Variants in ADCY4 observed in about 807,000 individuals in gnomAD.
The protein encoded by ADCY4 is adenylate cyclase 4.
A neutral mutation model predicts 125.5 loss-of-function variants in ADCY4; 111 were observed. That is an observed-to-expected ratio of 0.88 (90% CI 0.76 to 1.04). ADCY4 has a LOEUF of 1.04. ADCY4 is among the 50% of genes least tolerant of loss of function. The probability of loss-of-function intolerance (pLI) is 0.00; values close to 1 mark genes in which losing one functional copy is unlikely to be tolerated. For missense variants in ADCY4, 1,256 were observed against 1,382.9 expected (o/e 0.91, Z 1.46); for synonymous variants, 576 against 586.9 (o/e 0.98, Z 0.27).
Position 24,324,112 on chromosome 14 carries a change from A to G in ADCY4, c.1996T>C (p.Leu666=), listed in dbSNP as rs767904360. 1.7e-5 allele frequency: 27 copies of G among 1,614,092 alleles called. No individual in the cohort carries two copies. The Admixed American group carries it at 4.5e-4, about 27-fold the overall frequency. ...ACAAGGAGGATGGTGGCGGTGCCCA[A>G]GGCTATTCTCAGTCCTGGTCGTGTG... The part of the protein sequence containing the change: ...VATRPGLRIA[L]GTATILLVFA... The change falls in exon 16 of 25, where the codon TTG becomes CTG. Residue 666 remains leucine, a synonymous_variant. Transcript: ENST00000418030.
intron 3 of ADCY4, 30 bp from the exon 4 acceptor site, chr14:24,331,967 C>A (rs201998598): frequency 2.0e-6 from 3 of 1,514,826 alleles, no homozygotes; most frequent in African/African-American, 1.4e-5. Context: ...TCAGAGGGCG[C>A]GGGACCCGGG....
chr14:24,319,715 G>C lies in ADCY4; in HGVS notation c.2733+27C>G. The C allele has an allele frequency of 6.2e-7, 1 of 1,613,742 alleles. No individual in the cohort carries two copies. The highest frequency in any genetic ancestry group is 1.1e-5 in the South Asian group (1 of 91,054). On this transcript the variant is annotated intron_variant, in intron 21 of 24. Coordinates refer to ENST00000418030, the MANE Select transcript of ADCY4 (RefSeq NM_001198568.2). This position sits in a 1 kb window ranked among gnomAD's most constrained non-coding sequence, Gnocchi z 4.5. ...GAAAATTCTAGAATCTAGGACATAG[G>C]GTCTGGGAGACTCTTGGAATTTTCA...
At position 24,323,415 on chromosome 14, in the gene ADCY4, G is replaced by A; in HGVS notation, c.2086C>T (p.Pro696Ser). ...PTSSDCPFQA[P>S]NVSSMISNLS... ...TTGGAAATCATGGAGGACACATTGGGAGCTTGGAAAGGGCAGTCTGATGAT... is the reference window on the plus strand; with the variant it reads ...TTGGAAATCATGGAGGACACATTGGAAGCTTGGAAAGGGCAGTCTGATGAT... The change falls in exon 17 of 25, where the codon CCC (proline) becomes TCC (serine). Residue 696 changes from proline (P) to serine (S), a missense_variant. Coordinates refer to ENST00000418030, the MANE Select transcript of ADCY4 (RefSeq NM_001198568.2). 1.3e-6 allele frequency: 2 copies of A among 1,556,658 alleles called. No individual in the cohort carries two copies. Among genetic ancestry groups the A allele is most frequent in the Non-Finnish European group, 1.7e-6 (2 of 1,149,168 alleles).
chr14:24,332,615 G>C lies in ADCY4; in HGVS notation c.426C>G (p.Ala142=). 1 of 1,581,312 alleles carries C rather than the reference G, an allele frequency of 6.3e-7. No individual in the cohort carries two copies. The change falls in exon 3 of 25, where the codon GCC becomes GCG. Residue 142 remains alanine, a synonymous_variant. Coordinates refer to ENST00000418030, the MANE Select transcript of ADCY4 (RefSeq NM_001198568.2). ...AMLPLGMRDA[A]VAGLASSLSH... ...AGAGTGAGGAGGCGAGGCCCGCGAC[G>C]GCGGCGTCCCGCATGCCCAAGGGCA...
intron 14 of ADCY4, 47 bp downstream of exon 14, chr14:24,325,330 G>A: frequency 6.5e-7 from 1 of 1,536,564 alleles, no homozygotes; most frequent in Non-Finnish European, 9.0e-7. Context: ...AGGGCAAGGT[G>A]ATCCGCTTAT....
At chr14:24,326,405 A>G (rs1008941786) in intron 10 of ADCY4, 63 bp from the exon 11 acceptor site, 4 of 1,581,724 alleles carry the variant, frequency 2.5e-6, no homozygotes, top group Non-Finnish European at 3.5e-6. Context: ...GAGGTAGACC[A>G]TGAGCCACAC....
chr14:24,322,646 GTGAAGAAGAAGA>G lies in ADCY4; in HGVS notation c.2393_2404del (p.Ile798_Phe801del), dbSNP rs1404992415. 1.2e-6 allele frequency: 2 copies of G among 1,614,058 alleles called. No homozygotes were observed. The highest frequency in any genetic ancestry group is 1.7e-6 in the Non-Finnish European group (2 of 1,180,034). On this transcript the variant is annotated inframe_deletion, in exon 19 of 25. Transcript: ENST00000418030. ...TACCTGGCGAGCCAGGACAAGGAGG[GTGAAGAAGAAGA>G]TGAAGAAGGAGATAGCACCCATCAG...
Position 24,323,202 on chromosome 14 carries a change from C to A in ADCY4, c.2158-114G>T. ...CAGGTCCTATCTGGGAGACAGGGGG[C>A]ATCATACACACTGATACACACTGGG... On this transcript the variant is annotated intron_variant, in intron 17 of 24. Transcript: ENST00000418030. The A allele has an allele frequency of 2.9e-6, 4 of 1,395,180 alleles. No individual in the cohort carries two copies. In the East Asian group the frequency reaches 9.9e-5, roughly 35 times the overall value. 86.4% of individuals were successfully genotyped at this position (1,395,180 alleles called of 1,614,324 possible). A position where few individuals can be genotyped will look rare whatever the true frequency, so the allele number is the denominator to read the frequency against.
chr14:24,325,278 A>G, intron 14 of ADCY4, 99 bp downstream of exon 14: 1 of 963,106 alleles, frequency 1.0e-6, no homozygotes, highest in Non-Finnish European at 1.6e-6. Context: ...GCCTGAAGCT[A>G]AGGGGAAGGG....
chr14:24,330,547 G>T (rs939188687), intron 6 of ADCY4: 36 of 472,298 alleles, frequency 7.6e-5, no homozygotes, highest in African/African-American at 6.0e-4. Flanking sequence ...TGTTGAAGGG[G>T]GTACCCAGAG....
rs2042014110 is a variant in ADCY4 at position 24,329,903 on chromosome 14, CAT to C, written c.1172_1173del (p.His391ArgfsTer6). On this transcript the variant is annotated frameshift_variant, in exon 8 of 25. Coordinates refer to ENST00000418030, the MANE Select transcript of ADCY4 (RefSeq NM_001198568.2). LOFTEE classifies it high-confidence loss of function. ...LQKWQYDVWSHDVTLANHMEA... is the reference protein window; with the variant it reads ...LQKWQYDVWSXDVTLANHMEA... ...TCCATGTGGTTAGCCAGTGTGACAT[CAT>C]GTGACCAAACGTCGTACTGCCACTT... 1 of 1,614,160 alleles carries C rather than the reference CAT, an allele frequency of 6.2e-7. No homozygotes were observed. Among genetic ancestry groups the C allele is most frequent in the Non-Finnish European group, 8.5e-7 (1 of 1,180,010 alleles).
In ADCY4 at chr14:24,324,401, G is replaced by C; in HGVS notation, c.1824-10C>G. 6.2e-7 allele frequency: 1 copy of C among 1,609,636 alleles called. No individual in the cohort carries two copies. Among genetic ancestry groups the C allele is most frequent in the Non-Finnish European group, 8.5e-7 (1 of 1,175,870 alleles). On this transcript the variant is annotated splice_polypyrimidine_tract_variant and intron_variant, in intron 14 of 24. Transcript: ENST00000418030. Reference sequence around the variant, plus strand: ...GGCCAGAGCTGGGGGCCTGAAGGGAGACAAAAGCGAGGCCTTGAAGTGCCA... The same window carrying C: ...GGCCAGAGCTGGGGGCCTGAAGGGACACAAAAGCGAGGCCTTGAAGTGCCA...
chr14:24,333,123 C>T (rs1044045164), intron 1 of ADCY4, 135 bp from the exon 2 acceptor site: 44 of 806,506 alleles, frequency 5.5e-5, no homozygotes, highest in Non-Finnish European at 7.6e-5. Flanking sequence ...GGAGGCAAGG[C>T]ACCTCCGCTT....
intron 4 of ADCY4, 150 bp downstream of exon 4, chr14:24,331,638 C>T: frequency 8.2e-7 from 1 of 1,226,590 alleles, no homozygotes; most frequent in Non-Finnish European, 1.1e-6. Context: ...TCACAACCTT[C>T]TAAGATGGGC....
intron 4 of ADCY4, 58 bp from the exon 5 acceptor site, chr14:24,331,414 T>A: frequency 6.2e-7 from 1 of 1,600,084 alleles, no homozygotes; most frequent in Non-Finnish European, 8.5e-7. Flanking sequence ...GGAGGCCCTG[T>A]CCCCCAAATC....
chr14:24,329,088 G>T lies in ADCY4; in HGVS notation c.1497C>A (p.Ser499Arg), dbSNP rs538851795. Residue 499 changes from serine (S) to arginine (R), a missense_variant, in exon 10 of 25, where the codon AGC becomes AGA. Coordinates refer to ENST00000418030, the MANE Select transcript of ADCY4 (RefSeq NM_001198568.2). Reference sequence around the variant, plus strand: ...GGAGAGGGGTGGAGGTGGACACAGGGCTGTCTCCGTGGCTCAGGTGGGCAA... The same window carrying T: ...GGAGAGGGGTGGAGGTGGACACAGGTCTGTCTCCGTGGCTCAGGTGGGCAA... The part of the protein sequence containing the change: ...KPFAHLSHGD[S>R]PVSTSTPLPE... The T allele has an allele frequency of 3.1e-6, 5 of 1,613,800 alleles. No homozygotes were observed. The East Asian group carries it at 6.7e-5, about 22-fold the overall frequency.
chr14:24,323,374 G>A lies in ADCY4; in HGVS notation c.2127C>T (p.Leu709=). 4 of 1,556,594 alleles carry A rather than the reference G, an allele frequency of 2.6e-6. No homozygotes were observed. Among genetic ancestry groups the A allele is most frequent in the East Asian group, 2.4e-5 (1 of 41,442 alleles). Residue 709 remains leucine, a synonymous_variant, in exon 17 of 25, where the codon CTC becomes CTT. Transcript: ENST00000418030. ...CACTGATGAGAGGCAGAGACCCAGG[G>A]AGCTCCCAGGAGAGGTTGGAAATCA... ...SSMISNLSWE[L]PGSLPLISVP...
intron 14 of ADCY4, among the ~76,000 whole-genome samples, chr14:24,324,879 T>C (rs533972086): frequency 6.6e-6 from 1 of 152,014 alleles, no homozygotes; most frequent in Non-Finnish European, 1.5e-5. Flanking sequence ...AATTTTTGTA[T>C]TTTTAGTAGA....
In ADCY4 at chr14:24,332,830, G is replaced by A. The variant is rs1469493584; in HGVS notation, c.318C>T (p.Ala106=). ...VWVALLALGH[A]FLFTGGVVSA... is the part of the protein sequence containing the mutation. ...TCACCACGCCCCCGGTGAACAGGAA[G>A]GCGTGGCCTAGCGCTAGCAGCGCGA... Residue 106 remains alanine (A), a synonymous_variant, in exon 2 of 25, where the codon GCC becomes GCT. Transcript: ENST00000418030. 6.3e-7 allele frequency: 1 copy of A among 1,583,388 alleles called. No individual in the cohort carries two copies. The highest frequency in any genetic ancestry group is 8.6e-7 in the Non-Finnish European group (1 of 1,162,560).
Sources: allele counts gnomAD v4.1 joint callset (sites outside exome capture counted in the v4.1 genomes callset), GRCh38; gene constraint gnomAD v4.1.1; non-coding constraint Gnocchi (gnomAD v3.1); transcripts MANE v1.5; gene names NCBI Gene and HGNC (gene_info 2026-07-23, HGNC 2026-07-21).